The following PPP2R2B variants were observed in gnomAD, a reference collection of about 807,000 sequenced individuals.
PPP2R2B encodes the protein serine/threonine-protein phosphatase 2A 55 kDa regulatory subunit B beta isoform.
Under a neutral mutation model 46.0 loss-of-function variants are expected in PPP2R2B, and 5 were observed. That is an observed-to-expected ratio of 0.11 (90% CI 0.06 to 0.23). The LOEUF is 0.23. Ranked by LOEUF, PPP2R2B falls within the 10% of genes least tolerant of loss-of-function variation. The pLI, the probability that PPP2R2B is intolerant of heterozygous loss-of-function variation, is 1.00. For missense variants in PPP2R2B, 367 were observed against 575.0 expected, an observed-to-expected ratio of 0.64 and a Z score of 3.70; for synonymous variants, 215 against 206.7, an observed-to-expected ratio of 1.04 and a Z score of -0.34.
At chr5:146,771,749 G>A (rs994719528) in intron 2 of PPP2R2B, among the ~76,000 whole-genome samples, 11 of 152,286 alleles carry the variant, frequency 7.2e-5, no homozygotes, top group African/African-American at 2.4e-4. Context: ...TCGGTATATA[G>A]CTAATCTGTG....
intron 6 of PPP2R2B, among the ~76,000 whole-genome samples, chr5:146,644,287 A>T (rs891083019): frequency 4.1e-5 from 5 of 122,578 alleles, no homozygotes; most frequent in Admixed American, 1.7e-4. Context: ...TCTTGGGTAA[A>T]TCAGGAGTTT....
intron 7 of PPP2R2B, among the ~76,000 whole-genome samples, chr5:146,633,713 A>G (rs1226647606): frequency 6.6e-6 from 1 of 152,232 alleles, no homozygotes; most frequent in Admixed American, 6.5e-5. Context: ...GACAGTCACC[A>G]GGGCTTTGCT....
chr5:146,988,063 G>A (rs1753512948), intron 1 of PPP2R2B, among the ~76,000 whole-genome samples: 1 of 151,834 alleles, frequency 6.6e-6, no homozygotes, highest in South Asian at 2.1e-4. Flanking sequence ...TACAGCCGGA[G>A]GATATAACAG....
At chr5:146,590,386 T>C (rs966913139) in intron 9 of PPP2R2B, among the ~76,000 whole-genome samples, 160 bp from the exon 10 acceptor site, 9 of 129,666 alleles carry the variant, frequency 6.9e-5, no homozygotes, top group Non-Finnish European at 1.5e-5. Context: ...TGGCTTTTTG[T>C]TTTTTTTTTG....
chr5:146,904,802 G>A (rs888767093), intron 1 of PPP2R2B, among the ~76,000 whole-genome samples: 27 of 152,100 alleles, frequency 1.8e-4, no homozygotes, highest in Non-Finnish European at 4.4e-5. Flanking sequence ...TGGAGGTCAT[G>A]GTAACACCAC....
intron 1 of PPP2R2B, among the ~76,000 whole-genome samples, chr5:146,944,462 T>C (rs1472454018): frequency 2.0e-5 from 3 of 152,180 alleles, no homozygotes; most frequent in African/African-American, 7.2e-5. Flanking sequence ...ATCACAAGAT[T>C]AAATAACAGC....
intron 2 of PPP2R2B, among the ~76,000 whole-genome samples, chr5:146,761,867 A>T (rs188394427): frequency 1.3e-5 from 2 of 152,156 alleles, no homozygotes; most frequent in Admixed American, 6.5e-5. Flanking sequence ...TTGATGAGGG[A>T]TAAAAAAAGA....
chr5:147,034,496 T>C (rs1416615299), intron 1 of PPP2R2B, among the ~76,000 whole-genome samples: 1 of 152,212 alleles, frequency 6.6e-6, no homozygotes, highest in Non-Finnish European at 1.5e-5. Flanking sequence ...GAAAGGAATA[T>C]ACTCTCAAGC....
chr5:147,031,004 A>C (rs915410874), intron 1 of PPP2R2B, among the ~76,000 whole-genome samples: 6 of 152,192 alleles, frequency 3.9e-5, no homozygotes, highest in Non-Finnish European at 7.4e-5. Context: ...TGAGAGGCCA[A>C]GGCGGGCGGA....
intron 1 of PPP2R2B, among the ~76,000 whole-genome samples, chr5:146,936,626 T>A (rs1582459420): frequency 6.6e-6 from 1 of 151,614 alleles, no homozygotes; most frequent in East Asian, 2.0e-4. Context: ...TACAGAGAGA[T>A]AGTAAGAGGA....
intron 2 of PPP2R2B, among the ~76,000 whole-genome samples, chr5:146,860,293 T>C (rs1410461813): frequency 6.6e-6 from 1 of 152,236 alleles, no homozygotes; most frequent in Non-Finnish European, 1.5e-5. Context: ...TTGCTAGTTG[T>C]GGCTTGAACT....
chr5:146,777,131 C>A (rs891620348), intron 2 of PPP2R2B, among the ~76,000 whole-genome samples: 1 of 151,996 alleles, frequency 6.6e-6, no homozygotes, highest in Non-Finnish European at 1.5e-5. Flanking sequence ...AGGCATGCAC[C>A]CCAAATAATT....
intron 2 of PPP2R2B, among the ~76,000 whole-genome samples, chr5:146,872,867 C>G (rs536659032): frequency 6.6e-6 from 1 of 152,346 alleles, no homozygotes; most frequent in African/African-American, 2.4e-5. Flanking sequence ...AGATCCACTT[C>G]CTTGTACTTT....
chr5:146,759,845 A>G (rs1754052786), intron 2 of PPP2R2B, among the ~76,000 whole-genome samples: 1 of 152,156 alleles, frequency 6.6e-6, no homozygotes, highest in Non-Finnish European at 1.5e-5. Flanking sequence ...TTTATATAAA[A>G]GAGCAAAACA....
rs1769991690 is a variant in PPP2R2B, at chr5:146,583,381, A to C, written c.*6566T>G. Reference sequence around the variant, plus strand: ...GAGCTTTGTGCATATTAAATCATGCAATCTTCACAGCAATTTTATGAGATA... The same window carrying C: ...GAGCTTTGTGCATATTAAATCATGCCATCTTCACAGCAATTTTATGAGATA... On this transcript the variant is annotated 3_prime_UTR_variant, in exon 10 of 10. Transcript: ENST00000394411. 1 of 152,236 alleles carries C rather than the reference A, an allele frequency of 6.6e-6. No homozygotes were observed. Among genetic ancestry groups the C allele is most frequent in the Admixed American group, 6.5e-5 (1 of 15,286 alleles). The allele number at this position is 152,236 out of a possible 1,614,324, so 9.4% of individuals were successfully genotyped here. A position where few individuals can be genotyped will look rare whatever the true frequency, so the allele number is the denominator to read the frequency against.
chr5:146,786,690 A>T (rs991406998), intron 2 of PPP2R2B, among the ~76,000 whole-genome samples: 9 of 152,192 alleles, frequency 5.9e-5, no homozygotes, highest in African/African-American at 2.2e-4. Flanking sequence ...AAGAGATGAT[A>T]TTGGTTTGAT....
chr5:146,997,729 A>G lies in PPP2R2B; in HGVS notation c.79+57936T>C, dbSNP rs368881641. Reference sequence around the variant, plus strand: ...TAATGTGGTAAAATTTTTAGAATGGATAGAATTTAATTTTTGCGAATAAAG... The same window carrying G: ...TAATGTGGTAAAATTTTTAGAATGGGTAGAATTTAATTTTTGCGAATAAAG... On this transcript the variant is annotated intron_variant, in intron 1 of 8. Coordinates refer to the PPP2R2B transcript ENST00000336640. Among the ~76,000 whole-genome samples, 13 of 152,328 alleles carry G rather than the reference A, an allele frequency of 8.5e-5. No individual in the cohort carries two copies. The East Asian group carries it at 2.1e-3, about 25-fold the overall frequency.
chr5:146,752,867 G>A (rs2151239653), intron 2 of PPP2R2B, among the ~76,000 whole-genome samples: 1 of 152,300 alleles, frequency 6.6e-6, no homozygotes, highest in African/African-American at 2.4e-5. Context: ...TAAAAACTCT[G>A]AAGGAAAGAC....
intron 5 of PPP2R2B, among the ~76,000 whole-genome samples, chr5:146,659,157 G>T (rs1433131466): frequency 6.6e-6 from 1 of 152,176 alleles, no homozygotes; most frequent in African/African-American, 2.4e-5. Flanking sequence ...TTCTTTTAGT[G>T]GGTATTGGTG....
Sources: allele counts gnomAD v4.1 joint callset (sites outside exome capture counted in the v4.1 genomes callset), GRCh38; gene constraint gnomAD v4.1.1; transcripts MANE v1.5; gene names NCBI Gene and HGNC (gene_info 2026-07-23, HGNC 2026-07-21).